The following OLFM2 variants were observed in gnomAD, a reference collection of about 807,000 sequenced individuals.
The protein encoded by OLFM2 is olfactomedin 2.
OLFM2 carries 20 observed loss-of-function variants against 43.9 expected under a neutral mutation model. The ratio of observed to expected loss-of-function variants is 0.46; its 90% CI spans 0.32 to 0.66. OLFM2 has a LOEUF of 0.66. Among genes scored for constraint, OLFM2 ranks in the 30% least tolerant of loss-of-function variants. OLFM2 has a pLI of 0.04. For synonymous variants in OLFM2, 268 were observed against 278.6 expected (o/e 0.96, Z 0.38); for missense variants, 416 against 643.6 (o/e 0.65, Z 3.83).
chr19:9,880,209 A>G (rs559143896), intron 1 of OLFM2, among the ~76,000 whole-genome samples: 108 of 152,288 alleles, frequency 7.1e-4, no homozygotes, highest in Non-Finnish European at 1.3e-3. Flanking sequence ...TGGAAGATGC[A>G]ATAGCTAAGT....
intron 1 of OLFM2, among the ~76,000 whole-genome samples, chr19:9,912,293 C>A (rs1430001929): frequency 6.6e-6 from 1 of 152,156 alleles, no homozygotes; most frequent in Non-Finnish European, 1.5e-5. Flanking sequence ...CTGGACAAAG[C>A]CTTCTCAGGT....
chr19:9,859,616 A>G (rs141989753), intron 2 of OLFM2, among the ~76,000 whole-genome samples: 23 of 152,280 alleles, frequency 1.5e-4, no homozygotes, highest in African/African-American at 4.8e-4. Context: ...TCTCTTGACC[A>G]TGATCAGAGG....
intron 1 of OLFM2, among the ~76,000 whole-genome samples, chr19:9,900,470 A>AT (rs1236740446): frequency 2.6e-5 from 4 of 152,024 alleles, no homozygotes; most frequent in African/African-American, 4.8e-5. Flanking sequence ...AATATTCATG[A>AT]TAGTAATCAT....
intron 1 of OLFM2, among the ~76,000 whole-genome samples, chr19:9,935,242 G>A (rs984435196): frequency 9.2e-5 from 14 of 152,188 alleles, no homozygotes; most frequent in African/African-American, 3.4e-4. Context: ...AATGATCACT[G>A]TTATCATAAT....
chr19:9,905,133 C>T (rs976479279), intron 1 of OLFM2, among the ~76,000 whole-genome samples: 3 of 151,680 alleles, frequency 2.0e-5, no homozygotes, highest in Admixed American at 2.0e-4. Flanking sequence ...ACCAGCTTGG[C>T]CAATATGTTG....
chr19:9,860,566 G>A, intron 2 of OLFM2, 79 bp downstream of exon 2: 2 of 1,497,610 alleles, frequency 1.3e-6, no homozygotes, highest in Admixed American at 2.0e-5. Flanking sequence ...GCCACTGGCT[G>A]ACCTGGATGG....
Position 9,864,535 on chromosome 19 carries a change from A to T in OLFM2, c.64-3741T>A, listed in dbSNP as rs559294512. On this transcript the variant is annotated intron_variant, in intron 1 of 5. Coordinates refer to ENST00000264833, the MANE Select transcript of OLFM2 (RefSeq NM_058164.4). ...AGGCTGGTCTCGAACTCCTGGCCTC[A>T]AGTGATCCGTCCACCTTGGCCTCCC... Among the ~76,000 whole-genome samples the T allele has an allele frequency of 4.6e-5, 7 of 152,270 alleles. No individual in the cohort carries two copies. The East Asian group carries it at 1.2e-3, about 25-fold the overall frequency.
rs73500936 is a variant in OLFM2 at position 9,898,555 on chromosome 19, G to A, written c.63+37749C>T. On this transcript the variant is annotated intron_variant, in intron 1 of 5. Transcript: ENST00000264833. ...AAAATTTTTTTGTGTGTGGAGACTG[G>A]GTCTTGCTATGTTGCCCAGGGTGGT... Among the ~76,000 whole-genome samples the A allele has an allele frequency of 5.2e-3, 784 of 152,080 alleles. 5 individuals carry two copies. Among genetic ancestry groups the A allele is most frequent in the African/African-American group, 0.018 (743 of 41,502 alleles).
At chr19:9,870,985 C>T (rs1341168746) in intron 1 of OLFM2, among the ~76,000 whole-genome samples, 3 of 151,928 alleles carry the variant, frequency 2.0e-5, no homozygotes, top group Admixed American at 1.3e-4. Context: ...GAGTTTAAGA[C>T]CAGACCGGGC....
intron 1 of OLFM2, among the ~76,000 whole-genome samples, chr19:9,935,899 CAGGCG>C (rs2086511738): frequency 6.6e-6 from 1 of 152,166 alleles, no homozygotes; most frequent in African/African-American, 2.4e-5. Flanking sequence ...CTGGGGGCTG[CAGGCG>C]AGGAGTGGAG....
intron 1 of OLFM2, among the ~76,000 whole-genome samples, chr19:9,933,799 C>T (rs907012355): frequency 2.0e-5 from 3 of 152,156 alleles, no homozygotes; most frequent in African/African-American, 7.2e-5. Context: ...TCAGGCGATC[C>T]ACTTGCCTCA....
chr19:9,897,028 C>CA lies in OLFM2; in HGVS notation c.64-36235dup, dbSNP rs1416466064. On this transcript the variant is annotated intron_variant, in intron 1 of 5. Coordinates refer to ENST00000264833, the MANE Select transcript of OLFM2 (RefSeq NM_058164.4). ...GCAACATAGCGAGACCCTGTCTCTA[C>CA]AAAAAATTAGAGGATGTGGGCCAGA... Among the ~76,000 whole-genome samples, 15 of 152,124 alleles carry CA rather than the reference C, an allele frequency of 9.9e-5. No individual in the cohort carries two copies. The East Asian group carries it at 2.5e-3, about 25-fold the overall frequency.
chr19:9,934,793 G>A (rs1004846748), intron 1 of OLFM2, among the ~76,000 whole-genome samples: 2 of 152,142 alleles, frequency 1.3e-5, no homozygotes, highest in Non-Finnish European at 2.9e-5. Flanking sequence ...CGAGGGAGGG[G>A]ACCCCACAAT....
intron 1 of OLFM2, among the ~76,000 whole-genome samples, chr19:9,924,331 G>A (rs942656627): frequency 1.6e-4 from 24 of 147,166 alleles, no homozygotes; most frequent in African/African-American, 5.1e-4. Flanking sequence ...GCGTGAACCC[G>A]GGAGGCGGAG....
In OLFM2 at chr19:9,857,160, T is replaced by C. The variant is rs2046325925; in HGVS notation, c.580+103A>G. 6.8e-6 allele frequency: 8 copies of C among 1,171,980 alleles called. No individual in the cohort carries two copies. The highest frequency in any genetic ancestry group is 8.8e-6 in the Non-Finnish European group (7 of 792,636). The allele number at this position is 1,171,980 out of a possible 1,614,324, so 72.6% of individuals were successfully genotyped here. On this transcript the variant is annotated intron_variant, in intron 4 of 5. Transcript: ENST00000264833. This position sits in a 1 kb window ranked among gnomAD's most constrained non-coding sequence, Gnocchi z 5.7. ...AAGGTCAAGGGTTGAGGTTTAAAAG[T>C]TAGAGGTCAAAACTGTGTCCAGCTT...
intron 1 of OLFM2, among the ~76,000 whole-genome samples, chr19:9,903,245 C>G (rs1250159256): frequency 2.0e-5 from 3 of 152,162 alleles, no homozygotes; most frequent in African/African-American, 4.8e-5. Context: ...TGCACATACC[C>G]ATACTCACAA....
intron 1 of OLFM2, among the ~76,000 whole-genome samples, chr19:9,899,759 C>T (rs1303234682): frequency 6.6e-6 from 1 of 151,880 alleles, no homozygotes; most frequent in Non-Finnish European, 1.5e-5. Flanking sequence ...CACTATGTTG[C>T]CCAGTCTGGT....
rs1045763656 is a variant in OLFM2, at chr19:9,856,086, TTTG to T, written c.687+718_687+720del. 3.9e-5 allele frequency among the ~76,000 whole-genome samples: 6 copies of T among 152,052 alleles called. No individual in the cohort carries two copies. The highest frequency in any genetic ancestry group is 8.8e-5 in the Non-Finnish European group (6 of 68,000). On this transcript the variant is annotated intron_variant, in intron 5 of 5. Coordinates refer to ENST00000264833, the MANE Select transcript of OLFM2 (RefSeq NM_058164.4). This position sits in a 1 kb window ranked among gnomAD's most constrained non-coding sequence, Gnocchi z 4.0. ...ATTGTTGTCATCATGTTAACTAGCA[TTTG>T]TTGTTGTTTTTGTTTTGTTTTGTTT...
intron 1 of OLFM2, among the ~76,000 whole-genome samples, chr19:9,875,089 T>C (rs991218070): frequency 6.6e-6 from 1 of 152,242 alleles, no homozygotes; most frequent in Non-Finnish European, 1.5e-5. Context: ...TGCCAGAGGC[T>C]AGATCTAGAA....
Sources: gnomAD v4.1 joint callset for allele counts (sites outside exome capture counted in the v4.1 genomes callset) on GRCh38, gnomAD v4.1.1 for gene constraint, Gnocchi (gnomAD v3.1) non-coding constraint, MANE v1.5 for transcripts, NCBI Gene and HGNC (gene_info 2026-07-23, HGNC 2026-07-21) for gene names.